MYO1E: variants seen among roughly 807,000 people sequenced by gnomAD.
MYO1E encodes the protein unconventional myosin-Ie.
MYO1E carries 68 observed loss-of-function variants against 151.1 expected under a neutral mutation model. That is an observed-to-expected ratio of 0.45 (90% confidence interval 0.37 to 0.55). The LOEUF (loss-of-function observed/expected upper bound fraction) is 0.55, where lower values mean the gene tolerates loss of function less well. MYO1E is among the 20% of genes least tolerant of loss of function. The pLI is 0.00. For synonymous variants in MYO1E, 601 were observed against 501.7 expected, an observed-to-expected ratio of 1.20 and a Z score of -2.64; for missense variants, 1,363 against 1,389.3, an observed-to-expected ratio of 0.98 and a Z score of 0.30.
chr15:59,356,891 G>T lies in MYO1E; in HGVS notation c.3+15607C>A, dbSNP rs113374793. 1.4e-3 allele frequency among the ~76,000 whole-genome samples: 112 copies of T among 81,340 alleles called. 1 individual carries two copies. The highest frequency in any genetic ancestry group is 5.5e-3 in the African/African-American group (106 of 19,448). 53.4% of individuals were successfully genotyped at this position (81,340 alleles called of 152,430 possible). A position where few individuals can be genotyped will look rare whatever the true frequency, so the allele number is the denominator to read the frequency against. ...TGCCTCCTGTTAAGTTTTTTTTTTT[G>T]TTTGTTTGTTTGTTTTTGGTTTTTT... On this transcript the variant is annotated intron_variant, in intron 1 of 27. Transcript: ENST00000288235.
At chr15:59,210,628 T>C in intron 12 of MYO1E, 28 bp from the exon 13 acceptor site, 4 of 1,491,206 alleles carry the variant, frequency 2.7e-6, no homozygotes, top group Non-Finnish European at 3.7e-6. Flanking sequence ...GGAACTCACA[T>C]TATTTCCCAG....
rs1233259175 is a variant in MYO1E, at chr15:59,256,330, A to G, written c.286T>C (p.Tyr96His). 3 of 1,613,230 alleles carry G rather than the reference A, an allele frequency of 1.9e-6. No individual in the cohort carries two copies. In the East Asian group the frequency reaches 6.7e-5, roughly 36 times the overall value. Residue 96 changes from tyrosine to histidine, a missense_variant, in exon 4 of 28, where the codon TAC becomes CAC. Physicochemically the swap from Tyr to His is moderately conservative, Grantham distance 83 (BLOSUM62 2). Transcript: ENST00000288235. Reference protein sequence around the residue: ...PHIYALADNMYRNMIIDRENQ... With the variant: ...PHIYALADNMHRNMIIDRENQ... ...TCTCTGTCAATGATCATGTTTCTGT[A>G]CATATTATCTGCAAGGGCATAGATA...
rs1265815582 is a variant in MYO1E, at chr15:59,230,251, T to TGTGTGC, written c.510+1450_510+1451insGCACAC. On this transcript the variant is annotated intron_variant, in intron 6 of 27. Coordinates refer to ENST00000288235, the MANE Select transcript of MYO1E (RefSeq NM_004998.4). Reference sequence around the variant, plus strand: ...GTGTGTGTGTGTGTGTGTGTGTGTGTGTGCAGGTGAATGTGTGTCTGAATT... The same window carrying TGTGTGC: ...GTGTGTGTGTGTGTGTGTGTGTGTGTGTGTGCGTGCAGGTGAATGTGTGTCTGAATT... Among the ~76,000 whole-genome samples, 532 of 151,770 alleles carry TGTGTGC rather than the reference T, an allele frequency of 3.5e-3. 4 individuals carry two copies. The highest frequency in any genetic ancestry group is 0.01 in the African/African-American group (417 of 41,304).
intron 12 of MYO1E, among the ~76,000 whole-genome samples, chr15:59,213,848 T>C (rs959145780): frequency 1.3e-5 from 2 of 152,146 alleles, no homozygotes; most frequent in East Asian, 1.9e-4. Context: ...GCACGTATTG[T>C]TAGGGAAGAT....
chr15:59,204,910 G>C (rs983404406), intron 15 of MYO1E, among the ~76,000 whole-genome samples: 5 of 152,164 alleles, frequency 3.3e-5, no homozygotes, highest in Admixed American at 3.3e-4. Flanking sequence ...CCAATCCAAA[G>C]CCAGTGGGCT....
chr15:59,357,909 A>G (rs1055126712), intron 1 of MYO1E, among the ~76,000 whole-genome samples: 8 of 152,218 alleles, frequency 5.3e-5, no homozygotes, highest in African/African-American at 1.9e-4. Flanking sequence ...CACCAAGTGG[A>G]TGAATTTGGT....
rs2079638786 is a variant in MYO1E at position 59,178,467 on chromosome 15, G to A, written c.1975C>T (p.Leu659=). The A allele has an allele frequency of 6.2e-7, 1 of 1,614,102 alleles. No homozygotes were observed. Among genetic ancestry groups the A allele is most frequent in the Non-Finnish European group, 8.5e-7 (1 of 1,180,048 alleles). ...GEEKQGVLHL[L]QSVNMDSDQF... ...TCGCTGTCCATGTTGACCGACTGCA[G>A]CAGGTGCAGGACGCCTTGCTTCTCC... The change falls in exon 19 of 28, where the codon CTG becomes TTG. Residue 659 remains leucine (L), a synonymous_variant. Coordinates refer to ENST00000288235, the MANE Select transcript of MYO1E (RefSeq NM_004998.4).
intron 22 of MYO1E, among the ~76,000 whole-genome samples, chr15:59,170,589 AAAAAAAAAC>A (rs550066379): frequency 6.6e-6 from 1 of 151,716 alleles, no homozygotes; most frequent in Non-Finnish European, 1.5e-5. Context: ...TAGAGCTTTA[AAAAAAAAAC>A]AAAAAAAACA....
intron 6 of MYO1E, among the ~76,000 whole-genome samples, chr15:59,228,961 A>T (rs1163884162): frequency 6.6e-6 from 1 of 152,230 alleles, no homozygotes; most frequent in African/African-American, 2.4e-5. Context: ...GGCAAAAAAC[A>T]AAAACACCCA....
Position 59,171,901 on chromosome 15 carries a change from G to A in MYO1E, c.2476C>T (p.Leu826Phe), listed in dbSNP as rs746479279. 3.7e-6 allele frequency: 6 copies of A among 1,614,092 alleles called. 1 individual carries two copies. In the South Asian group the frequency reaches 6.6e-5, roughly 18 times the overall value. ...IEIERILSVS[L>F]STMQDDIFIL... The stretch of plus-strand genomic sequence containing the variant: ...CTCTGCACCTCCACTACTCACCTGA[G>A]GGACACAGACAAGATCCGTTCTATC... The change falls in exon 22 of 28, where the codon CTC becomes TTC. Residue 826 changes from leucine (L) to phenylalanine (F), a missense_variant. Coordinates refer to ENST00000288235, the MANE Select transcript of MYO1E (RefSeq NM_004998.4).
rs1436178262 is a variant in MYO1E, at chr15:59,172,174, T to C, written c.2335-132A>G. The C allele has an allele frequency of 5.0e-6, 5 of 992,260 alleles. No individual in the cohort carries two copies. In the Admixed American group the frequency reaches 8.1e-5, roughly 16 times the overall value. The allele number at this position is 992,260 out of a possible 1,614,324, so 61.5% of individuals were successfully genotyped here. ...GAGTTCGAGACCAGCCTGACCAACATGGTGAAACCCCGTCTCTACTGAAAA... is the reference window on the plus strand; with the variant it reads ...GAGTTCGAGACCAGCCTGACCAACACGGTGAAACCCCGTCTCTACTGAAAA... On this transcript the variant is annotated intron_variant, in intron 21 of 27. Transcript: ENST00000288235.
At chr15:59,352,719 T>C (rs965604800) in intron 1 of MYO1E, among the ~76,000 whole-genome samples, 9 of 152,208 alleles carry the variant, frequency 5.9e-5, no homozygotes, top group Admixed American at 1.3e-4. Flanking sequence ...CTAGTTCCAA[T>C]AGCAGATTCT....
intron 1 of MYO1E, among the ~76,000 whole-genome samples, chr15:59,328,883 T>C (rs573939754): frequency 6.6e-6 from 1 of 152,256 alleles, no homozygotes; most frequent in African/African-American, 2.4e-5. Context: ...TTAGACTCTG[T>C]GGGAGGGCAT....
intron 4 of MYO1E, among the ~76,000 whole-genome samples, chr15:59,253,374 C>T (rs535572021): frequency 3.8e-4 from 58 of 152,042 alleles, no homozygotes; most frequent in African/African-American, 1.3e-3. Flanking sequence ...TTATAACAGA[C>T]GGGTTCACTG....
chr15:59,161,197 G>GCCC lies in MYO1E; in HGVS notation c.2658_2660dup (p.Gly887dup). 1 of 1,613,924 alleles carries GCCC rather than the reference G, an allele frequency of 6.2e-7. No homozygotes were observed. Among genetic ancestry groups the GCCC allele is most frequent in the Non-Finnish European group, 8.5e-7 (1 of 1,179,890 alleles). On this transcript the variant is annotated inframe_insertion, in exon 24 of 28. Transcript: ENST00000288235. ...GCCGGGAGCCCCCTGCACTCCAGGG[G>GCCC]CCCCAGTTTTCCTTTTTCAACTTCA...
intron 1 of MYO1E, among the ~76,000 whole-genome samples, chr15:59,278,088 G>A (rs1376132760): frequency 6.6e-6 from 1 of 152,198 alleles, no homozygotes; most frequent in Admixed American, 6.5e-5. Flanking sequence ...GGCTCTCAAA[G>A]TCAAAAGCCA....
intron 1 of MYO1E, among the ~76,000 whole-genome samples, chr15:59,340,461 T>G (rs898575640): frequency 3.3e-5 from 5 of 152,146 alleles, no homozygotes; most frequent in African/African-American, 1.2e-4. Flanking sequence ...TATGGACTAT[T>G]GGAAGGAGGA....
At chr15:59,303,982 C>CTTTTTTTTTTT (rs35196401) in intron 1 of MYO1E, among the ~76,000 whole-genome samples, 1 of 132,652 alleles carries the variant, frequency 7.5e-6, no homozygotes, top group Non-Finnish European at 1.6e-5. Flanking sequence ...TCTTTTCTTT[C>CTTTTTTTTTTT]TTTTTTTTTT....
chr15:59,328,284 T>C (rs1320896758), intron 1 of MYO1E, among the ~76,000 whole-genome samples: 3 of 152,146 alleles, frequency 2.0e-5, no homozygotes, highest in African/African-American at 7.2e-5. Context: ...TAGTCCCGTC[T>C]ACCTCCCAGA....
Sources: gnomAD v4.1 joint callset for allele counts (sites outside exome capture counted in the v4.1 genomes callset) on GRCh38, gnomAD v4.1.1 for gene constraint, MANE v1.5 for transcripts, NCBI Gene and HGNC (gene_info 2026-07-23, HGNC 2026-07-21) for gene names.